The following PHC2 variants were observed in gnomAD, a reference collection of about 807,000 sequenced individuals.
PHC2 encodes the protein polyhomeotic homolog 2, also known as polyhomeotic-like protein 2.
Under a neutral mutation model 87.4 loss-of-function variants are expected in PHC2, and 29 were observed. The ratio of observed to expected loss-of-function variants is 0.33; its 90% CI spans 0.25 to 0.45. The LOEUF is 0.45. Among genes scored for constraint, PHC2 ranks in the 20% least tolerant of loss-of-function variants. PHC2 has a pLI of 1.00. For synonymous variants in PHC2, 438 were observed against 461.7 expected, an observed-to-expected ratio of 0.95 and a Z score of 0.66; for missense variants, 857 against 1,136.7, an observed-to-expected ratio of 0.75 and a Z score of 3.54.
At chr1:33,339,114 G>A (rs893940009) in intron 9 of PHC2, among the ~76,000 whole-genome samples, 3 of 152,166 alleles carry the variant, frequency 2.0e-5, no homozygotes, top group African/African-American at 7.2e-5. Context: ...TATCTGCTTT[G>A]GGACTGGTCA....
At chr1:33,370,296 ACCCCTTAT>A in intron 5 of PHC2, 117 bp downstream of exon 5, 1 of 793,262 alleles carries the variant, frequency 1.3e-6, no homozygotes, top group Non-Finnish European at 1.9e-6. Context: ...TCTTTATCCC[ACCCCTTAT>A]CTCCTGCCCC....
At chr1:33,355,285 GGCTTGACCTTC>G (rs1370872681) in intron 7 of PHC2, 32 bp from the exon 8 acceptor site, 1 of 1,514,830 alleles carries the variant, frequency 6.6e-7, no homozygotes, top group Non-Finnish European at 8.8e-7. Flanking sequence ...TAGAGAGCAT[GGCTTGACCTTC>G]TCTTCTGCTG....
intron 9 of PHC2, among the ~76,000 whole-genome samples, chr1:33,336,147 C>G (rs1344558936): frequency 6.6e-6 from 1 of 151,902 alleles, no homozygotes; most frequent in Non-Finnish European, 1.5e-5. Context: ...TACCACCATA[C>G]CCGGCTAATT....
Position 33,355,133 on chromosome 1 carries a change from G to C in PHC2, c.1097C>G (p.Ser366Ter). ...PQQQQPPPQQSRPVLQAEPHP... is the reference protein window; with the variant it reads ...PQQQQPPPQQ ...GGGCTCAGCTTGGAGCACAGGCCGTGACTGCTGGGGCGGCGGCTGCTGCTG... is the reference window on the plus strand; with the variant it reads ...GGGCTCAGCTTGGAGCACAGGCCGTCACTGCTGGGGCGGCGGCTGCTGCTG... The change falls in exon 8 of 15, where the codon TCA becomes TGA. Residue 366 changes from serine (S) to a stop codon, truncating the protein, a stop_gained. Transcript: ENST00000683057. LOFTEE classifies it high-confidence loss of function. 6.2e-7 allele frequency: 1 copy of C among 1,611,514 alleles called. No individual in the cohort carries two copies. Among genetic ancestry groups the C allele is most frequent in the Non-Finnish European group, 8.5e-7 (1 of 1,179,070 alleles).
Position 33,327,841 on chromosome 1 carries a change from G to A in PHC2, c.2425+1029C>T, listed in dbSNP as rs535122735. ...GATCCCACAGCTCTTCAGTATTCACGTGACCTCAGCCTTGGCTGATAAATC... is the reference window on the plus strand; with the variant it reads ...GATCCCACAGCTCTTCAGTATTCACATGACCTCAGCCTTGGCTGATAAATC... On this transcript the variant is annotated intron_variant, in intron 14 of 14. Coordinates refer to ENST00000683057, the MANE Select transcript of PHC2 (RefSeq NM_001385109.1). Among the ~76,000 whole-genome samples the A allele has an allele frequency of 1.3e-4, 20 of 152,330 alleles. 1 individual carries two copies. Among genetic ancestry groups the A allele is most frequent in the South Asian group, 1.0e-3 (5 of 4,830 alleles).
chr1:33,395,316 G>A (rs990403521), intron 1 of PHC2, among the ~76,000 whole-genome samples: 7 of 152,132 alleles, frequency 4.6e-5, no homozygotes, highest in Admixed American at 1.3e-4. Flanking sequence ...TGGCTGGGAA[G>A]GGGGAAGAGG....
At chr1:33,423,171 C>T (rs189694524) in intron 1 of PHC2, among the ~76,000 whole-genome samples, 4 of 152,072 alleles carry the variant, frequency 2.6e-5, no homozygotes, top group Admixed American at 6.5e-5. Context: ...TGCAGGCCAG[C>T]GGAAGATACT....
At chr1:33,401,263 T>C (rs1166831089) in intron 1 of PHC2, among the ~76,000 whole-genome samples, 3 of 152,006 alleles carry the variant, frequency 2.0e-5, no homozygotes, top group African/African-American at 7.3e-5. Context: ...GAGGTGGAGC[T>C]TGCAGTGAGC....
intron 1 of PHC2, among the ~76,000 whole-genome samples, chr1:33,389,050 T>G (rs1362462690): frequency 8.0e-6 from 1 of 125,236 alleles, no homozygotes; most frequent in African/African-American, 3.3e-5. Context: ...GTCCAAGAAA[T>G]GTTCTTGTTA....
chr1:33,361,848 A>C (rs960573585), intron 7 of PHC2, among the ~76,000 whole-genome samples: 1 of 152,214 alleles, frequency 6.6e-6, no homozygotes, highest in Non-Finnish European at 1.5e-5. Context: ...CGTGGGAATG[A>C]GGGAGGGCTT....
intron 1 of PHC2, among the ~76,000 whole-genome samples, chr1:33,381,988 A>G (rs2148348289): frequency 6.6e-6 from 1 of 152,138 alleles, no homozygotes; most frequent in Non-Finnish European, 1.5e-5. Context: ...GCACCTCAGG[A>G]AACCTCCTGC....
At chr1:33,372,150 G>T in intron 3 of PHC2, 139 bp downstream of exon 3, 1 of 771,040 alleles carries the variant, frequency 1.3e-6, no homozygotes, top group Non-Finnish European at 2.0e-6. Context: ...AATGACAGTA[G>T]TGCTCGTGTC....
intron 1 of PHC2, among the ~76,000 whole-genome samples, chr1:33,429,445 T>G (rs1650812175): frequency 6.6e-6 from 1 of 152,256 alleles, no homozygotes; most frequent in South Asian, 2.1e-4. Context: ...TCCCCCGCTT[T>G]GGCTGCCTTT....
intron 1 of PHC2, among the ~76,000 whole-genome samples, chr1:33,429,415 T>C (rs762698907): frequency 8.5e-5 from 13 of 152,252 alleles, no homozygotes; most frequent in Non-Finnish European, 1.5e-4. Flanking sequence ...ACATATTCTT[T>C]ATGTGGCTGC....
chr1:33,400,793 A>G (rs1381714346), intron 1 of PHC2, among the ~76,000 whole-genome samples: 1 of 152,230 alleles, frequency 6.6e-6, no homozygotes, highest in African/African-American at 2.4e-5. Context: ...TAAGAATTGT[A>G]CATGTTGACA....
At chr1:33,406,221 CATTT>C (rs2148385527) in intron 1 of PHC2, among the ~76,000 whole-genome samples, 1 of 152,186 alleles carries the variant, frequency 6.6e-6, no homozygotes, top group East Asian at 1.9e-4. Context: ...GGTAAATGGA[CATTT>C]ATTATTTTGA....
At chr1:33,380,381 T>A (rs1170802557) in intron 1 of PHC2, among the ~76,000 whole-genome samples, 1 of 152,256 alleles carries the variant, frequency 6.6e-6, no homozygotes, top group Non-Finnish European at 1.5e-5. Flanking sequence ...TCATTCTCTA[T>A]GAATTTGCCT....
Position 33,349,374 on chromosome 1 carries a change from G to A in PHC2, c.1558+5027C>T, listed in dbSNP as rs980281549. Reference sequence around the variant, plus strand: ...AAGCTGCGGCGCGCCGAGGTGACACGGCTTCCAGGGGCGACGGGCGCGCAG... The same window carrying A: ...AAGCTGCGGCGCGCCGAGGTGACACAGCTTCCAGGGGCGACGGGCGCGCAG... On this transcript the variant is annotated intron_variant, in intron 9 of 14. Transcript: ENST00000683057. The surrounding 1 kb of genome is among the most constrained non-coding windows in gnomAD (Gnocchi z 4.2). The A allele has an allele frequency of 6.1e-5, 60 of 985,290 alleles. No individual in the cohort carries two copies. Among genetic ancestry groups the A allele is most frequent in the Non-Finnish European group, 7.0e-5 (58 of 829,926 alleles). 61.0% of individuals were successfully genotyped at this position (985,290 alleles called of 1,614,324 possible).
At position 33,382,760 on chromosome 1, in the gene PHC2, A is replaced by G. The variant is rs2148349320; in HGVS notation, c.-54-7167T>C. On this transcript the variant is annotated intron_variant, in intron 1 of 14. Coordinates refer to ENST00000683057, the MANE Select transcript of PHC2 (RefSeq NM_001385109.1). The surrounding 1 kb of genome is among the most constrained non-coding windows in gnomAD (Gnocchi z 4.3). ...GAGACCAGCAGCTGGAGAAACGCTG[A>G]TGGTTCTGCCCTCCCAGGAGCCGCC... is the stretch of plus-strand genomic sequence containing the variant. 6.6e-6 allele frequency among the ~76,000 whole-genome samples: 1 copy of G among 152,326 alleles called. No individual in the cohort carries two copies. Among genetic ancestry groups the G allele is most frequent in the South Asian group, 2.1e-4 (1 of 4,828 alleles).
Sources: gnomAD v4.1 joint callset for allele counts (sites outside exome capture counted in the v4.1 genomes callset) on GRCh38, gnomAD v4.1.1 for gene constraint, Gnocchi (gnomAD v3.1) non-coding constraint, MANE v1.5 for transcripts, NCBI Gene and HGNC (gene_info 2026-07-23, HGNC 2026-07-21) for gene names.